Variants in DHFR2 observed in about 807,000 individuals in gnomAD.
DHFR2 encodes the protein dihydrofolate reductase 2, also known as dihydrofolate reductase 2, mitochondrial.
A neutral mutation model predicts 12.0 loss-of-function variants in DHFR2; 11 were observed. The ratio of observed to expected loss-of-function variants is 0.92; its 90% CI spans 0.58 to 1.52. DHFR2 has a LOEUF of 1.52. Ranked by LOEUF, DHFR2 falls within the 40% of genes most tolerant of loss-of-function variation. The pLI, the probability that DHFR2 is intolerant of heterozygous loss-of-function variation, is 0.00. For synonymous variants in DHFR2, 87 were observed against 79.6 expected (o/e 1.09, Z -0.49); for missense variants, 188 against 221.2 (o/e 0.85, Z 0.95).
At position 94,060,647 on chromosome 3, in the gene DHFR2, C is replaced by T. The variant is rs1252538072; in HGVS notation, c.*301G>A. 1 of 392,498 alleles carries T rather than the reference C, an allele frequency of 2.5e-6. No homozygotes were observed. Among genetic ancestry groups the T allele is most frequent in the East Asian group, 5.0e-5 (1 of 20,114 alleles). The allele number at this position is 392,498 out of a possible 1,614,324, so 24.3% of individuals were successfully genotyped here. ...GCATCTTCATCTTTAATAAATACTA[C>T]CAACATTAGAAAAGCCTGACAATGT... On this transcript the variant is annotated 3_prime_UTR_variant, in exon 2 of 2. Coordinates refer to ENST00000314636, the MANE Select transcript of DHFR2 (RefSeq NM_176815.5).
Position 94,061,128 on chromosome 3 carries a change from G to A in DHFR2, c.384C>T (p.His128=), listed in dbSNP as rs755937886. The A allele has an allele frequency of 4.3e-6, 7 of 1,613,742 alleles. No individual in the cohort carries two copies. The highest frequency in any genetic ancestry group is 1.3e-5 in the African/African-American group (1 of 74,890). ...TCACAAATAGTTTAAGATGGCCTAG[G>A]TGATTCATGGCTTCCTTATAAACAG... ...GSSVYKEAMN[H]LGHLKLFVTR... The change falls in exon 2 of 2, where the codon CAC becomes CAT. Residue 128 remains histidine, a synonymous_variant. Transcript: ENST00000314636.
chr3:94,062,920 C>T (rs2077185564), upstream of DHFR2: 1 of 570,680 alleles, frequency 1.8e-6, no homozygotes, highest in Admixed American at 3.0e-5. Flanking sequence ...AGTAACTGCG[C>T]ACGAAATCTC....
Position 94,061,148 on chromosome 3 carries a change from A to C in DHFR2, c.364T>G (p.Tyr122Asp). ...CCTAGGTGATTCATGGCTTCCTTATAAACAGAACTGCCACCAACTATCCAA... is the reference window on the plus strand; with the variant it reads ...CCTAGGTGATTCATGGCTTCCTTATCAACAGAACTGCCACCAACTATCCAA... The part of the protein sequence containing the change: ...MIWIVGGSSV[Y>D]KEAMNHLGHL... Residue 122 changes from tyrosine (Y) to aspartate (D), a missense_variant, in exon 2 of 2, where the codon TAT becomes GAT. Coordinates refer to ENST00000314636, the MANE Select transcript of DHFR2 (RefSeq NM_176815.5). 8 of 1,613,956 alleles carry C rather than the reference A, an allele frequency of 5.0e-6. No homozygotes were observed. Among genetic ancestry groups the C allele is most frequent in the Non-Finnish European group, 6.8e-6 (8 of 1,179,854 alleles).
In DHFR2 at chr3:94,060,616, G is replaced by A. The variant is rs1300733540; in HGVS notation, c.*332C>T. ...ACTAGTGAAACTGCTCAGCTGAAGGGTATGTGCATCTTCATCTTTAATAAA... is the reference window on the plus strand; with the variant it reads ...ACTAGTGAAACTGCTCAGCTGAAGGATATGTGCATCTTCATCTTTAATAAA... On this transcript the variant is annotated 3_prime_UTR_variant, in exon 2 of 2. Transcript: ENST00000314636. The A allele has an allele frequency of 4.5e-5, 14 of 311,204 alleles. No homozygotes were observed. The highest frequency in any genetic ancestry group is 7.1e-5 in the Non-Finnish European group (12 of 168,712). The allele number at this position is 311,204 out of a possible 1,614,324, so 19.3% of individuals were successfully genotyped here. A position where few individuals can be genotyped will look rare whatever the true frequency, so the allele number is the denominator to read the frequency against.
In DHFR2 at chr3:94,061,221, G is replaced by C; in HGVS notation, c.291C>G (p.Ala97=). The change falls in exon 2 of 2, where the codon GCC becomes GCG. Residue 97 remains alanine, a synonymous_variant. Coordinates refer to ENST00000314636, the MANE Select transcript of DHFR2 (RefSeq NM_176815.5). ...AHFLARSLDD[A]LKLTERPELA... ...ATTCTGGTCGTTCAGTAAGTTTTAA[G>C]GCATCATCCAAACTTCTGGCAAGAA... 1.9e-6 allele frequency: 3 copies of C among 1,613,946 alleles called. No homozygotes were observed. The highest frequency in any genetic ancestry group is 2.5e-6 in the Non-Finnish European group (3 of 1,179,860).
rs1428544487 is a variant in DHFR2 at position 94,059,003 on chromosome 3, A to G, written c.*1945T>C. 1 of 152,350 alleles carries G rather than the reference A, an allele frequency of 6.6e-6. No homozygotes were observed. The highest frequency in any genetic ancestry group is 1.5e-5 in the Non-Finnish European group (1 of 68,310). 9.4% of individuals were successfully genotyped at this position (152,350 alleles called of 1,614,324 possible). A position where few individuals can be genotyped will look rare whatever the true frequency, so the allele number is the denominator to read the frequency against. On this transcript the variant is annotated 3_prime_UTR_variant, in exon 2 of 2. Coordinates refer to ENST00000314636, the MANE Select transcript of DHFR2 (RefSeq NM_176815.5). ...TGGAATATTGCCTGTGTTGGATACT[A>G]TTTGCTGGATCCACGTCATTCTCTG...
chr3:94,061,205 G>A lies in DHFR2; in HGVS notation c.307C>T (p.Arg103Ter), dbSNP rs146238237. 4 of 1,613,918 alleles carry A rather than the reference G, an allele frequency of 2.5e-6. No homozygotes were observed. Among genetic ancestry groups the A allele is most frequent in the South Asian group, 2.2e-5 (2 of 91,068 alleles). ...TCTACTTTATTTGCTAATTCTGGTC[G>A]TTCAGTAAGTTTTAAGGCATCATCC... ...SLDDALKLTERPELANKVDMI... is the reference protein window; with the variant it reads ...SLDDALKLTE The change falls in exon 2 of 2, where the codon CGA becomes TGA. Residue 103 changes from arginine to a stop codon, truncating the protein, a stop_gained. Coordinates refer to ENST00000314636, the MANE Select transcript of DHFR2 (RefSeq NM_176815.5). LOFTEE classifies it high-confidence loss of function.
In DHFR2 at chr3:94,062,882, G is replaced by C. The variant is rs2077185199; in HGVS notation, c.-232C>G. On this transcript the variant is annotated 5_prime_UTR_variant, in exon 1 of 2. Coordinates refer to ENST00000314636, the MANE Select transcript of DHFR2 (RefSeq NM_176815.5). ...CTGGCCCGTTACCTCCGCGTCCTGG[G>C]AAGTATCAGCCTTTACCAGCTACCG... 1 of 513,356 alleles carries C rather than the reference G, an allele frequency of 1.9e-6. No homozygotes were observed. Among genetic ancestry groups the C allele is most frequent in the Non-Finnish European group, 3.5e-6 (1 of 283,618 alleles). The allele number at this position is 513,356 out of a possible 1,614,324, so 31.8% of individuals were successfully genotyped here.
rs1446558373 is a variant in DHFR2 at position 94,058,951 on chromosome 3, GTT to G, written c.*1995_*1996del. ...CAGCTAATCTATTAGTATTTTTACT[GTT>G]TCTTTTTAAAGCTAGCTCCATAGCT... On this transcript the variant is annotated 3_prime_UTR_variant, in exon 2 of 2. Transcript: ENST00000314636. The G allele has an allele frequency of 6.5e-6, 1 of 153,018 alleles. No homozygotes were observed. The highest frequency in any genetic ancestry group is 1.5e-5 in the Non-Finnish European group (1 of 68,784). 9.5% of individuals were successfully genotyped at this position (153,018 alleles called of 1,614,324 possible).
In DHFR2 at chr3:94,061,442, G is replaced by A. The variant is rs1560026197; in HGVS notation, c.70C>T (p.Pro24Ser). ...AATTCATTCCTGAGCGGCGGCCTGG[G>A]CAGGTCCCCGTTCTTGCCGATGCCC... Reference protein sequence around the residue: ...NMGIGKNGDLPRPPLRNEFRY... With the variant: ...NMGIGKNGDLSRPPLRNEFRY... Residue 24 changes from proline (P) to serine (S), a missense_variant, in exon 2 of 2, where the codon CCC (proline) becomes TCC (serine). By Grantham distance (74) the Pro-to-Ser change is moderately conservative. Coordinates refer to ENST00000314636, the MANE Select transcript of DHFR2 (RefSeq NM_176815.5). 2.5e-6 allele frequency: 4 copies of A among 1,614,060 alleles called. No homozygotes were observed. The highest frequency in any genetic ancestry group is 3.4e-6 in the Non-Finnish European group (4 of 1,180,046).
rs2077158242 is a variant in DHFR2, at chr3:94,058,835, G to A, written c.*2113C>T. On this transcript the variant is annotated 3_prime_UTR_variant, in exon 2 of 2. Transcript: ENST00000314636. ...TTTTTAAGAGAAGGGATCTCACTATGGTGGCCAGGCTGCTCTGAACTCTTG... is the reference window on the plus strand; with the variant it reads ...TTTTTAAGAGAAGGGATCTCACTATAGTGGCCAGGCTGCTCTGAACTCTTG... 6.4e-6 allele frequency: 1 copy of A among 155,214 alleles called. No individual in the cohort carries two copies. Among genetic ancestry groups the A allele is most frequent in the African/African-American group, 2.4e-5 (1 of 41,246 alleles). The allele number at this position is 155,214 out of a possible 1,614,324, so 9.6% of individuals were successfully genotyped here. A position where few individuals can be genotyped will look rare whatever the true frequency, so the allele number is the denominator to read the frequency against.
rs1221588717 is a variant in DHFR2 at position 94,058,732 on chromosome 3, G to GT, written c.*2215dup. On this transcript the variant is annotated 3_prime_UTR_variant, in exon 2 of 2. Transcript: ENST00000314636. The stretch of plus-strand genomic sequence containing the variant: ...CAACCCTTCCCCCTTGTTTTTTTTT[G>GT]TTTTTTTTTTTTTTTACTTTTGCTT... 3,161 of 126,794 alleles carry GT rather than the reference G, an allele frequency of 0.025. 37 individuals are homozygous for GT. Among genetic ancestry groups the GT allele is most frequent in the Middle Eastern group, 0.049 (13 of 264 alleles). The allele number at this position is 126,794 out of a possible 1,614,324, so 7.9% of individuals were successfully genotyped here. A position where few individuals can be genotyped will look rare whatever the true frequency, so the allele number is the denominator to read the frequency against.
chr3:94,061,900 T>C (rs2077177565), intron 1 of DHFR2, among the ~76,000 whole-genome samples: 1 of 151,974 alleles, frequency 6.6e-6, no homozygotes, highest in African/African-American at 2.4e-5. Flanking sequence ...TGGAAACTTG[T>C]TTAAATAAAT....
rs761970805 is a variant in DHFR2 at position 94,061,212 on chromosome 3, A to C, written c.300T>G (p.Leu100=). The part of the protein sequence containing the change: ...LARSLDDALK[L]TERPELANKV... ...TATTTGCTAATTCTGGTCGTTCAGT[A>C]AGTTTTAAGGCATCATCCAAACTTC... The change falls in exon 2 of 2, where the codon CTT becomes CTG. Residue 100 remains leucine (L), a synonymous_variant. Transcript: ENST00000314636. The C allele has an allele frequency of 6.2e-7, 1 of 1,614,028 alleles. No individual in the cohort carries two copies. Among genetic ancestry groups the C allele is most frequent in the Middle Eastern group, 1.7e-4 (1 of 6,056 alleles).
chr3:94,061,946 G>C (rs2077178038), intron 1 of DHFR2, among the ~76,000 whole-genome samples: 1 of 152,094 alleles, frequency 6.6e-6, no homozygotes, highest in African/African-American at 2.4e-5. Context: ...TAGAAGGAAA[G>C]ACATGTTTTT....
chr3:94,063,188 G>A, upstream of DHFR2: 1 of 1,605,796 alleles, frequency 6.2e-7, no homozygotes, highest in Non-Finnish European at 8.5e-7. Flanking sequence ...AGACGCTTCT[G>A]GACGCGGCCG....
At chr3:94,062,096 T>C (rs2077178994) in intron 1 of DHFR2, among the ~76,000 whole-genome samples, 1 of 152,194 alleles carries the variant, frequency 6.6e-6, no homozygotes. Context: ...CTACAAATGA[T>C]AGTTACTGAA....
chr3:94,062,935 G>A (rs1576077049), upstream of DHFR2: 1 of 580,550 alleles, frequency 1.7e-6, no homozygotes. Flanking sequence ...AATCTCCCGC[G>A]GGAGCTAAGC....
rs2077160614 is a variant in DHFR2, at chr3:94,059,378, C to G, written c.*1570G>C. 1 of 152,204 alleles carries G rather than the reference C, an allele frequency of 6.6e-6. No homozygotes were observed. Among genetic ancestry groups the G allele is most frequent in the East Asian group, 1.9e-4 (1 of 5,176 alleles). 9.4% of individuals were successfully genotyped at this position (152,204 alleles called of 1,614,324 possible). ...ACAGGTGTGTGCCACAATGCCCAGC[C>G]AATTTTTGTATCTTCTGTAGAGACA... On this transcript the variant is annotated 3_prime_UTR_variant, in exon 2 of 2. Transcript: ENST00000314636.
Sources: allele counts gnomAD v4.1 joint callset (sites outside exome capture counted in the v4.1 genomes callset), GRCh38; gene constraint gnomAD v4.1.1; transcripts MANE v1.5; gene names NCBI Gene and HGNC (gene_info 2026-07-23, HGNC 2026-07-21).